The following KIAA1586 variants were observed in gnomAD, a reference collection of about 807,000 sequenced individuals.
KIAA1586 encodes KIAA1586.
KIAA1586 carries 5 observed loss-of-function variants against 6.1 expected under a neutral mutation model. The ratio of observed to expected loss-of-function variants is 0.82; its 90% CI spans 0.43 to 1.73. The LOEUF (loss-of-function observed/expected upper bound fraction) is 1.73, where lower values mean the gene tolerates loss of function less well. KIAA1586 is among the 40% of genes most tolerant of loss of function. KIAA1586 has a pLI of 0.02. For synonymous variants in KIAA1586, 280 were observed against 301.7 expected (o/e 0.93, Z 0.75); for missense variants, 899 against 878.2 (o/e 1.02, Z -0.30).
chr6:57,059,335 G>A (rs1828535873), downstream of KIAA1586, among the ~76,000 whole-genome samples: 1 of 152,120 alleles, frequency 6.6e-6, no homozygotes, highest in African/African-American at 2.4e-5. Flanking sequence ...GCTCATGCCT[G>A]TAATCCCAGC....
At chr6:57,064,764 GA>G in the KIAA1586 span, among the ~76,000 whole-genome samples, 1 of 152,072 alleles carries the variant, frequency 6.6e-6, no homozygotes, top group Non-Finnish European at 1.5e-5. Flanking sequence ...GCTTTTCTGG[GA>G]AATTTTTGTG....
rs1382619899 is a variant in KIAA1586, at chr6:57,053,998, C to T, written c.1499C>T (p.Pro500Leu). The change falls in exon 4 of 4, where the codon CCT becomes CTT. Residue 500 changes from proline to leucine, a missense_variant. Physicochemically the swap from Pro to Leu is moderately conservative, Grantham distance 98 (BLOSUM62 -3). Coordinates refer to ENST00000370733, the MANE Select transcript of KIAA1586 (RefSeq NM_020931.4). Reference protein sequence around the residue: ...QAATAVWHAYPILYMHFSHSY... With the variant: ...QAATAVWHAYLILYMHFSHSY... ...GCTACTGCTGTATGGCATGCATATC[C>T]TATATTATATATGCATTTTTCTCAT... 1.2e-6 allele frequency: 2 copies of T among 1,606,062 alleles called. No individual in the cohort carries two copies. Among genetic ancestry groups the T allele is most frequent in the South Asian group, 1.1e-5 (1 of 89,598 alleles).
chr6:57,054,532 A>G lies in KIAA1586; in HGVS notation c.2033A>G (p.Asn678Ser), dbSNP rs750018065. 5.0e-6 allele frequency: 8 copies of G among 1,597,750 alleles called. No individual in the cohort carries two copies. Among genetic ancestry groups the G allele is most frequent in the Non-Finnish European group, 6.0e-6 (7 of 1,171,866 alleles). ...GATTTTCGGGAATTTGTAAATAATA[A>G]TATAAAATCAAACAATGTTTCAATT... The part of the protein sequence containing the change: ...LNDFREFVNN[N>S]IKSNNVSIPT... Residue 678 changes from asparagine to serine, a missense_variant, in exon 4 of 4, where the codon AAT becomes AGT. Physicochemically the swap from Asn to Ser is conservative, Grantham distance 46 (BLOSUM62 1). Transcript: ENST00000370733.
Position 57,054,668 on chromosome 6 carries a change from T to G in KIAA1586, c.2169T>G (p.Asn723Lys). ...LMNIICTRVR[N>K]SLTIDHVSDL... Reference sequence around the variant, plus strand: ...ACATAATTTGTACAAGGGTGAGAAATAGTTTAACAATAGATCATGTATCAG... The same window carrying G: ...ACATAATTTGTACAAGGGTGAGAAAGAGTTTAACAATAGATCATGTATCAG... Residue 723 changes from asparagine to lysine, a missense_variant, in exon 4 of 4, where the codon AAT (asparagine) becomes AAG (lysine). Physicochemically the swap from Asn to Lys is moderately conservative, Grantham distance 94 (BLOSUM62 0). Transcript: ENST00000370733. 6.4e-7 allele frequency: 1 copy of G among 1,559,340 alleles called. No homozygotes were observed. The highest frequency in any genetic ancestry group is 8.7e-7 in the Non-Finnish European group (1 of 1,149,990).
At chr6:57,064,745 G>T in the KIAA1586 span, among the ~76,000 whole-genome samples, 1 of 152,198 alleles carries the variant, frequency 6.6e-6, no homozygotes, top group East Asian at 1.9e-4. Context: ...ACTGATTCTG[G>T]CAGATGTGGC....
At chr6:57,050,008 T>G (rs909314818) in intron 2 of KIAA1586, among the ~76,000 whole-genome samples, 5 of 152,120 alleles carry the variant, frequency 3.3e-5, no homozygotes, top group African/African-American at 7.2e-5. Context: ...ATCTTTTTTT[T>G]TTAATGAGGT....
chr6:57,059,253 G>T (rs1828534641), downstream of KIAA1586, among the ~76,000 whole-genome samples: 1 of 150,908 alleles, frequency 6.6e-6, no homozygotes, highest in Admixed American at 6.6e-5. Context: ...ATATTATTTT[G>T]GATATATTGG....
chr6:57,054,747 C>T lies in KIAA1586; in HGVS notation c.2248C>T (p.Pro750Ser). 2 of 1,551,292 alleles carry T rather than the reference C, an allele frequency of 1.3e-6. No individual in the cohort carries two copies. The highest frequency in any genetic ancestry group is 4.9e-5 in the East Asian group (2 of 40,864). Residue 750 changes from proline (P) to serine (S), a missense_variant, in exon 4 of 4, where the codon CCG becomes TCG. Physicochemically the swap from Pro to Ser is moderately conservative, Grantham distance 74 (BLOSUM62 -1). Transcript: ENST00000370733. Reference protein sequence around the residue: ...GKELADWDATPFVKSWSNCNH... With the variant: ...GKELADWDATSFVKSWSNCNH... The stretch of plus-strand genomic sequence containing the variant: ...AGAATTAGCAGATTGGGATGCAACA[C>T]CGTTTGTAAAATCTTGGTCAAATTG...
In KIAA1586 at chr6:57,054,564, A is replaced by G. The variant is rs747928809; in HGVS notation, c.2065A>G (p.Thr689Ala). 5.0e-6 allele frequency: 8 copies of G among 1,608,636 alleles called. No individual in the cohort carries two copies. The Admixed American group carries it at 1.0e-4, about 20-fold the overall frequency. ...IKSNNVSIPT[T>A]IYKAKKIVST... ...ATCAAACAATGTTTCAATTCCTACAACTATATACAAAGCTAAAAAGATAGT... is the reference window on the plus strand; with the variant it reads ...ATCAAACAATGTTTCAATTCCTACAGCTATATACAAAGCTAAAAAGATAGT... Residue 689 changes from threonine (T) to alanine (A), a missense_variant, in exon 4 of 4, where the codon ACT becomes GCT. Coordinates refer to ENST00000370733, the MANE Select transcript of KIAA1586 (RefSeq NM_020931.4).
the KIAA1586 span, among the ~76,000 whole-genome samples, chr6:57,066,657 G>C: frequency 6.6e-6 from 1 of 152,192 alleles, no homozygotes; most frequent in African/African-American, 2.4e-5. Context: ...TGTCACTGAT[G>C]CTCGCAACTG....
intron 2 of KIAA1586, 76 bp from the exon 3 acceptor site, chr6:57,050,698 C>T (rs1828297086): frequency 3.0e-6 from 3 of 993,724 alleles, no homozygotes; most frequent in Middle Eastern, 2.1e-4. Context: ...CTAAAAAAAT[C>T]TCCCACTGAT....
At chr6:57,057,070 TA>T (rs1828509992), downstream of KIAA1586, among the ~76,000 whole-genome samples, 1 of 151,234 alleles carries the variant, frequency 6.6e-6, no homozygotes, top group African/African-American at 2.4e-5. Flanking sequence ...CTACTAAAAA[TA>T]CAAAAAATTA....
At chr6:57,052,163 C>T (rs1415520126) in intron 3 of KIAA1586, among the ~76,000 whole-genome samples, 6 of 151,960 alleles carry the variant, frequency 3.9e-5, no homozygotes, top group East Asian at 3.9e-4. Flanking sequence ...GTTCCACATC[C>T]GTGGATTCAC....
At chr6:57,062,031 A>G in the KIAA1586 span, among the ~76,000 whole-genome samples, 1 of 151,844 alleles carries the variant, frequency 6.6e-6, no homozygotes, top group Non-Finnish European at 1.5e-5. Context: ...ACCTGGGCTC[A>G]AGAGATCCTT....
chr6:57,066,484 A>C, the KIAA1586 span, among the ~76,000 whole-genome samples: 1 of 152,110 alleles, frequency 6.6e-6, no homozygotes, highest in East Asian at 1.9e-4. Flanking sequence ...TTTTGTTGGG[A>C]TAGCTACATA....
the KIAA1586 span, among the ~76,000 whole-genome samples, chr6:57,063,431 T>TTAATAGA: frequency 6.6e-6 from 1 of 151,030 alleles, no homozygotes; most frequent in Non-Finnish European, 1.5e-5. Context: ...TGGAATCCTC[T>TTAATAGA]TAATAGATTA....
At chr6:57,052,251 A>C (rs1828347929) in intron 3 of KIAA1586, among the ~76,000 whole-genome samples, 1 of 152,194 alleles carries the variant, frequency 6.6e-6, no homozygotes, top group South Asian at 2.1e-4. Flanking sequence ...ACATTATAAA[A>C]ACTTTTATGG....
In KIAA1586 at chr6:57,054,476, T is replaced by G; in HGVS notation, c.1977T>G (p.Cys659Trp). 1.3e-6 allele frequency: 2 copies of G among 1,597,726 alleles called. No individual in the cohort carries two copies. The highest frequency in any genetic ancestry group is 2.3e-5 in the South Asian group (2 of 88,338). ...GTGAAAAAACATTATTTCATTTGTG[T>G]AAAATTTTAAAATATGAAGTTGATT... Reference protein sequence around the residue: ...IAGEKTLFHLCKILKYEVDLN... With the variant: ...IAGEKTLFHLWKILKYEVDLN... The change falls in exon 4 of 4, where the codon TGT becomes TGG. Residue 659 changes from cysteine to tryptophan, a missense_variant. Coordinates refer to ENST00000370733, the MANE Select transcript of KIAA1586 (RefSeq NM_020931.4).
chr6:57,064,932 A>G, the KIAA1586 span, among the ~76,000 whole-genome samples: 4 of 152,160 alleles, frequency 2.6e-5, no homozygotes. Context: ...ATGTGCTGCT[A>G]AGAGCCCTGT....
Sources: allele counts gnomAD v4.1 joint callset (sites outside exome capture counted in the v4.1 genomes callset), GRCh38; gene constraint gnomAD v4.1.1; transcripts MANE v1.5; gene names NCBI Gene and HGNC (gene_info 2026-07-23, HGNC 2026-07-21).